ARHGEF38: variants seen among roughly 807,000 people sequenced by gnomAD.
ARHGEF38 encodes Rho guanine nucleotide exchange factor 38.
A neutral mutation model predicts 79.9 loss-of-function variants in ARHGEF38; 79 were observed. The ratio of observed to expected loss-of-function variants is 0.99; its 90% CI spans 0.82 to 1.19. The LOEUF is 1.19. Ranked by LOEUF, ARHGEF38 falls within the 50% of genes most tolerant of loss-of-function variation. The pLI is 0.00. For synonymous variants in ARHGEF38, 366 were observed against 328.3 expected, an observed-to-expected ratio of 1.11 and a Z score of -1.24; for missense variants, 962 against 907.2, an observed-to-expected ratio of 1.06 and a Z score of -0.78.
intron 4 of ARHGEF38, among the ~76,000 whole-genome samples, chr4:105,634,652 T>G (rs1194579590): frequency 6.6e-6 from 1 of 152,116 alleles, no homozygotes; most frequent in African/African-American, 2.4e-5. Flanking sequence ...ACCACTAAAG[T>G]CCCTGCTGCA....
At chr4:105,573,463 G>A (rs191403009) in intron 1 of ARHGEF38, among the ~76,000 whole-genome samples, 56 of 152,022 alleles carry the variant, frequency 3.7e-4, no homozygotes, top group African/African-American at 1.3e-3. Context: ...CAATTTTCCC[G>A]GCACCATTTG....
At position 105,630,876 on chromosome 4, in the gene ARHGEF38, G is replaced by A. The variant is rs2110517205; in HGVS notation, c.509-22G>A. 3.2e-6 allele frequency: 5 copies of A among 1,583,132 alleles called. No individual in the cohort carries two copies. In the Middle Eastern group the frequency reaches 5.1e-4, roughly 161 times the overall value. The stretch of plus-strand genomic sequence containing the variant: ...CAGCTTTGTCTGATGATGTCATTTT[G>A]CCTTTGTTTTGCATTTATCAGGAGA... On this transcript the variant is annotated intron_variant, in intron 3 of 13. Transcript: ENST00000420470.
chr4:105,575,403 A>T (rs995683721), intron 1 of ARHGEF38, among the ~76,000 whole-genome samples: 4 of 152,054 alleles, frequency 2.6e-5, no homozygotes, highest in Non-Finnish European at 4.4e-5. Context: ...TTCCCTAACA[A>T]TTACTGATGT....
At position 105,679,154 on chromosome 4, in the gene ARHGEF38, C is replaced by T. The variant is rs1485096031; in HGVS notation, c.*1217C>T. The T allele has an allele frequency of 3.3e-6, 2 of 614,930 alleles. No individual in the cohort carries two copies. The highest frequency in any genetic ancestry group is 3.2e-5 in the East Asian group (1 of 31,186). 38.1% of individuals were successfully genotyped at this position (614,930 alleles called of 1,614,324 possible). On this transcript the variant is annotated 3_prime_UTR_variant, in exon 14 of 14. Coordinates refer to ENST00000420470, the MANE Select transcript of ARHGEF38 (RefSeq NM_001242729.2). ...CCTGAGCAACTGCTTTGTCGACTCT[C>T]TCTACCTGACCAATTGCCAGATCGA...
At chr4:105,579,770 C>T (rs1726689328) in intron 1 of ARHGEF38, among the ~76,000 whole-genome samples, 1 of 152,104 alleles carries the variant, frequency 6.6e-6, no homozygotes, top group South Asian at 2.1e-4. Context: ...AGGAGTGCCT[C>T]CTCCTCAATT....
At chr4:105,654,243 T>C (rs961883488) in intron 8 of ARHGEF38, 74 bp downstream of exon 8, 2 of 913,914 alleles carry the variant, frequency 2.2e-6, no homozygotes, top group Non-Finnish European at 1.6e-6. Context: ...ATGGTTGTTT[T>C]GAAGAGTAAA....
chr4:105,603,993 T>A (rs746285216), intron 2 of ARHGEF38, among the ~76,000 whole-genome samples: 2 of 152,214 alleles, frequency 1.3e-5, no homozygotes, highest in Non-Finnish European at 2.9e-5. Context: ...CTTTTTGGTA[T>A]GTTTACTATC....
At chr4:105,572,175 C>T (rs373976505) in intron 1 of ARHGEF38, among the ~76,000 whole-genome samples, 165 of 33,524 alleles carry the variant, frequency 4.9e-3, no homozygotes, top group African/African-American at 0.019. Context: ...GTTTAAATTG[C>T]CTTGCACTCC....
chr4:105,581,832 G>T (rs546389076), intron 1 of ARHGEF38, among the ~76,000 whole-genome samples: 2 of 151,962 alleles, frequency 1.3e-5, no homozygotes, highest in East Asian at 3.9e-4. Flanking sequence ...CTGACTCATG[G>T]TATCGTGTTT....
chr4:105,631,111 G>A (rs994849620), intron 4 of ARHGEF38, 66 bp downstream of exon 4: 1 of 1,520,654 alleles, frequency 6.6e-7, no homozygotes, highest in African/African-American at 1.4e-5. Context: ...ATTTTAAATG[G>A]ATGTAGATGA....
chr4:105,571,468 G>T (rs781104089), intron 1 of ARHGEF38, among the ~76,000 whole-genome samples: 6 of 151,636 alleles, frequency 4.0e-5, no homozygotes, highest in Non-Finnish European at 8.8e-5. Flanking sequence ...GATTACAGGC[G>T]CCCACCACCA....
intron 1 of ARHGEF38, among the ~76,000 whole-genome samples, chr4:105,579,739 G>A (rs1446090247): frequency 6.6e-6 from 1 of 152,110 alleles, no homozygotes; most frequent in Non-Finnish European, 1.5e-5. Flanking sequence ...GATGATTCTG[G>A]CCTCATAGCA....
intron 5 of ARHGEF38, among the ~76,000 whole-genome samples, chr4:105,637,943 A>C (rs1729465686): frequency 6.6e-6 from 1 of 152,158 alleles, no homozygotes; most frequent in Admixed American, 6.5e-5. Context: ...AGAACTAAAA[A>C]AGAAGAGCAA....
At chr4:105,561,389 A>C in intron 1 of ARHGEF38, among the ~76,000 whole-genome samples, 1 of 13,354 alleles carries the variant, frequency 7.5e-5, no homozygotes, top group Non-Finnish European at 2.7e-4. Flanking sequence ...AGTCTCAAAA[A>C]TAGAGTAGAA....
intron 3 of ARHGEF38, among the ~76,000 whole-genome samples, chr4:105,622,145 T>C (rs1229731806): frequency 6.6e-6 from 1 of 152,078 alleles, no homozygotes; most frequent in Non-Finnish European, 1.5e-5. Context: ...TAGTAAAAAG[T>C]CTTACAGTTC....
At chr4:105,656,445 A>C (rs531347923) in intron 9 of ARHGEF38, among the ~76,000 whole-genome samples, 41 of 152,338 alleles carry the variant, frequency 2.7e-4, no homozygotes, top group African/African-American at 9.6e-4. Context: ...TAAGAGTCAT[A>C]TGTTATTTAT....
intron 2 of ARHGEF38, among the ~76,000 whole-genome samples, chr4:105,596,202 A>C (rs1251251788): frequency 2.0e-5 from 3 of 152,172 alleles, no homozygotes; most frequent in Non-Finnish European, 4.4e-5. Flanking sequence ...GACATCCTAC[A>C]AAATCTCTCC....
chr4:105,642,996 AC>A (rs1729683318), intron 5 of ARHGEF38, among the ~76,000 whole-genome samples: 1 of 152,058 alleles, frequency 6.6e-6, no homozygotes, highest in Non-Finnish European at 1.5e-5. Flanking sequence ...AATTATTTCT[AC>A]TTTCTACTTA....
chr4:105,567,638 C>A (rs889574316), intron 1 of ARHGEF38, among the ~76,000 whole-genome samples: 3 of 151,978 alleles, frequency 2.0e-5, no homozygotes, highest in African/African-American at 7.3e-5. Context: ...ACTTCAATAC[C>A]CTGTCTTTAC....
Sources: gnomAD v4.1 joint callset for allele counts (sites outside exome capture counted in the v4.1 genomes callset) on GRCh38, gnomAD v4.1.1 for gene constraint, MANE v1.5 for transcripts, NCBI Gene and HGNC (gene_info 2026-07-23, HGNC 2026-07-21) for gene names.